RANBP2: variants seen among roughly 807,000 people sequenced by gnomAD.
RANBP2 encodes the protein RAN binding protein 2, also known as E3 SUMO-protein ligase RanBP2.
Under a neutral mutation model 303.6 loss-of-function variants are expected in RANBP2, and 57 were observed. That is an observed-to-expected ratio of 0.19 (90% confidence interval 0.15 to 0.23). The LOEUF is 0.23. Among genes scored for constraint, RANBP2 ranks in the 10% least tolerant of loss-of-function variants. The pLI is 1.00. For synonymous variants in RANBP2, 1,167 were observed against 1,301.5 expected, an observed-to-expected ratio of 0.90 and a Z score of 2.23; for missense variants, 3,138 against 3,780.8, an observed-to-expected ratio of 0.83 and a Z score of 4.46.
chr2:109,557,870 A>G, the RANBP2 span, among the ~76,000 whole-genome samples: 2 of 140,786 alleles, frequency 1.4e-5, no homozygotes, highest in Non-Finnish European at 3.1e-5. Context: ...TTTTTTTGAG[A>G]CGGGGTCTCA....
chr2:109,048,644 T>TA, the RANBP2 span, among the ~76,000 whole-genome samples: 5 of 78,988 alleles, frequency 6.3e-5, no homozygotes, highest in Non-Finnish European at 1.4e-4. Context: ...TTATAAAAAG[T>TA]AAAATCAATC....
chr2:109,349,048 G>A, the RANBP2 span, among the ~76,000 whole-genome samples: 74 of 151,768 alleles, frequency 4.9e-4, no homozygotes, highest in African/African-American at 1.5e-3. Context: ...ACACACACAC[G>A]CACAGAGTTG....
At chr2:108,912,909 A>G in the RANBP2 span, 2 of 727,212 alleles carry the variant, frequency 2.8e-6, no homozygotes, top group Admixed American at 2.1e-5. Context: ...TGTATTTCTT[A>G]GACTGTTTAA....
rs139100204 is a variant in RANBP2 at position 108,759,959 on chromosome 2, C to T, written c.2602+1411C>T. ...GAAATGTGTAGAAGCAGCACATCCT[C>T]ATTTTACAATTGAGAAACATGGAGA... On this transcript the variant is annotated intron_variant, in intron 18 of 28. Transcript: ENST00000283195. Among the ~76,000 whole-genome samples, 41 of 152,298 alleles carry T rather than the reference C, an allele frequency of 2.7e-4. No individual in the cohort carries two copies. The East Asian group carries it at 6.9e-3, about 26-fold the overall frequency.
the RANBP2 span, among the ~76,000 whole-genome samples, chr2:109,428,303 G>A: frequency 2.0e-5 from 3 of 152,274 alleles, no homozygotes; most frequent in African/African-American, 7.2e-5. Flanking sequence ...GGTTTACTCT[G>A]ATTAGAGCGG....
the RANBP2 span, among the ~76,000 whole-genome samples, chr2:109,031,268 GCTT>G: frequency 4.6e-5 from 7 of 152,162 alleles, no homozygotes; most frequent in African/African-American, 1.4e-4. Flanking sequence ...ACAGATGGGG[GCTT>G]CTTGATGGGT....
chr2:109,576,325 C>G, the RANBP2 span, among the ~76,000 whole-genome samples: 3 of 151,968 alleles, frequency 2.0e-5, no homozygotes, highest in Non-Finnish European at 4.4e-5. Flanking sequence ...TCTTGAACTC[C>G]TGGCCTTAAG....
chr2:109,090,356 ACAC>A, the RANBP2 span, among the ~76,000 whole-genome samples: 22 of 147,614 alleles, frequency 1.5e-4, no homozygotes, highest in South Asian at 4.0e-3. Context: ...ACACACACAC[ACAC>A]CACGTCTATG....
At chr2:109,362,639 C>T in the RANBP2 span, among the ~76,000 whole-genome samples, 1 of 152,096 alleles carries the variant, frequency 6.6e-6, no homozygotes, top group African/African-American at 2.4e-5. Flanking sequence ...TGATTTTCTG[C>T]TTGCTGTCTC....
At chr2:109,402,838 C>T in the RANBP2 span, among the ~76,000 whole-genome samples, 1 of 152,124 alleles carries the variant, frequency 6.6e-6, no homozygotes, top group Non-Finnish European at 1.5e-5. Context: ...TGGTATCGTC[C>T]CTGGTAGTTA....
At chr2:109,302,721 T>C in the RANBP2 span, among the ~76,000 whole-genome samples, 3 of 150,862 alleles carry the variant, frequency 2.0e-5, no homozygotes, top group Non-Finnish European at 2.9e-5. Context: ...CAAGGCATCA[T>C]GGTGCTCCTA....
At chr2:109,111,104 A>G in the RANBP2 span, among the ~76,000 whole-genome samples, 28 of 152,172 alleles carry the variant, frequency 1.8e-4, no homozygotes, top group Non-Finnish European at 3.2e-4. Context: ...CCTCTTGAAC[A>G]TCTCATGCTG....
At chr2:108,829,969 A>AC in the RANBP2 span, among the ~76,000 whole-genome samples, 1 of 151,818 alleles carries the variant, frequency 6.6e-6, no homozygotes, top group Admixed American at 6.6e-5. Context: ...ATATTTAAAC[A>AC]CCAAGTTTAT....
At position 108,740,492 on chromosome 2, in the gene RANBP2, T is replaced by C; in HGVS notation, c.786T>C (p.Phe262=). Residue 262 remains phenylalanine, a synonymous_variant, in exon 7 of 29, where the codon TTT becomes TTC. Coordinates refer to ENST00000283195, the MANE Select transcript of RANBP2 (RefSeq NM_006267.5). Reference sequence around the variant, plus strand: ...GTTTGATATTTTCATATTACAGTTTTGATAGTGCTCTTCAGTCTGTGAAAT... The same window carrying C: ...GTTTGATATTTTCATATTACAGTTTCGATAGTGCTCTTCAGTCTGTGAAAT... ...VQESRELLQS[F]DSALQSVKSL... 6.3e-7 allele frequency: 1 copy of C among 1,597,596 alleles called. No individual in the cohort carries two copies. The highest frequency in any genetic ancestry group is 8.5e-7 in the Non-Finnish European group (1 of 1,179,782).
chr2:109,126,318 C>T, the RANBP2 span, among the ~76,000 whole-genome samples: 2 of 152,332 alleles, frequency 1.3e-5, no homozygotes, highest in East Asian at 1.9e-4. Context: ...CTCTCTTGCT[C>T]TTGTCTGTCT....
At chr2:109,091,284 G>A in the RANBP2 span, among the ~76,000 whole-genome samples, 2 of 151,998 alleles carry the variant, frequency 1.3e-5, no homozygotes, top group Non-Finnish European at 2.9e-5. Flanking sequence ...GATTAATCTT[G>A]TACTAAAATA....
chr2:108,734,351 G>A (rs1030535716), intron 4 of RANBP2, among the ~76,000 whole-genome samples: 2 of 152,210 alleles, frequency 1.3e-5, no homozygotes, highest in Non-Finnish European at 2.9e-5. Context: ...GTGTCAGAGT[G>A]GAGAAAGTGA....
the RANBP2 span, among the ~76,000 whole-genome samples, chr2:109,167,851 G>T: frequency 6.6e-6 from 1 of 152,206 alleles, no homozygotes; most frequent in African/African-American, 2.4e-5. Flanking sequence ...GATTACAGGC[G>T]TGAGCCACTG....
chr2:108,986,809 G>A, the RANBP2 span, among the ~76,000 whole-genome samples: 1 of 152,118 alleles, frequency 6.6e-6, no homozygotes, highest in Non-Finnish European at 1.5e-5. Context: ...TGCAATATAC[G>A]AATTCAGTAA....
Sources: allele counts gnomAD v4.1 joint callset (sites outside exome capture counted in the v4.1 genomes callset), GRCh38; gene constraint gnomAD v4.1.1; transcripts MANE v1.5; gene names NCBI Gene and HGNC (gene_info 2026-07-23, HGNC 2026-07-21).